Variants in RAB3IP observed in about 807,000 individuals in gnomAD.
RAB3IP encodes RAB3A interacting protein.
In RAB3IP, 36 loss-of-function variants were observed where a neutral mutation model predicts 59.1. That is an observed-to-expected ratio of 0.61 (90% CI 0.47 to 0.80). The LOEUF (loss-of-function observed/expected upper bound fraction) is 0.80. RAB3IP is among the 30% of genes least tolerant of loss of function. The pLI is 0.00. For missense variants in RAB3IP, 511 were observed against 536.0 expected, an observed-to-expected ratio of 0.95 and a Z score of 0.46; for synonymous variants, 207 against 191.2, an observed-to-expected ratio of 1.08 and a Z score of -0.68.
At chr12:69,789,015 C>T (rs1296065987) in intron 4 of RAB3IP, among the ~76,000 whole-genome samples, 4 of 151,772 alleles carry the variant, frequency 2.6e-5, no homozygotes, top group Non-Finnish European at 4.4e-5. Flanking sequence ...GAAAACACAA[C>T]GTACCAAAAC....
At chr12:69,805,573 C>T (rs1814703056) in intron 8 of RAB3IP, among the ~76,000 whole-genome samples, 1 of 151,054 alleles carries the variant, frequency 6.6e-6, no homozygotes, top group Admixed American at 6.6e-5. Flanking sequence ...CTGTCTTGTG[C>T]CAGTTTTCAA....
chr12:69,806,076 C>T (rs1879217340), intron 8 of RAB3IP, among the ~76,000 whole-genome samples: 1 of 152,192 alleles, frequency 6.6e-6, no homozygotes, highest in South Asian at 2.1e-4. Flanking sequence ...GGAATGGTAC[C>T]AGCTCCTCCT....
intron 3 of RAB3IP, among the ~76,000 whole-genome samples, chr12:69,768,796 C>T (rs1872644503): frequency 6.6e-6 from 1 of 152,034 alleles, no homozygotes; most frequent in South Asian, 2.1e-4. Flanking sequence ...CTTGTGGAGG[C>T]CCTGACCTCA....
chr12:69,742,687 A>G, intron 1 of RAB3IP, among the ~76,000 whole-genome samples: 1 of 152,226 alleles, frequency 6.6e-6, no homozygotes, highest in Middle Eastern at 3.2e-3. Flanking sequence ...CTAGCAGTAG[A>G]AATTGAAATG....
At position 69,755,974 on chromosome 12, in the gene RAB3IP, T is replaced by C. The variant is rs372583686; in HGVS notation, c.251+315T>C. On this transcript the variant is annotated intron_variant, in intron 2 of 10. Transcript: ENST00000247833. ...GGTTGTGTTCCAATAAAACTTCATA[T>C]ATGGATGCAGAATTTTGAATTTCAT... Among the ~76,000 whole-genome samples, 19 of 152,342 alleles carry C rather than the reference T, an allele frequency of 1.2e-4. 1 individual carries two copies. The highest frequency in any genetic ancestry group is 4.6e-4 in the African/African-American group (19 of 41,588).
Position 69,800,210 on chromosome 12 carries a change from C to G in RAB3IP, c.890C>G (p.Ala297Gly), listed in dbSNP as rs759787604. Reference sequence around the variant, plus strand: ...TTGTGTTTTCCTTTGGTTTGTTAGGCTGACTTATCCTTGTATAATGAATTC... The same window carrying G: ...TTGTGTTTTCCTTTGGTTTGTTAGGGTGACTTATCCTTGTATAATGAATTC... ...IQPIVKDCKEADLSLYNEFRL... is the reference protein window; with the variant it reads ...IQPIVKDCKEGDLSLYNEFRL... The change falls in exon 7 of 11, where the codon GCT becomes GGT. Residue 297 changes from alanine (A) to glycine (G), a missense_variant and splice_region_variant. Physicochemically the swap from Ala to Gly is moderately conservative, Grantham distance 60. Transcript: ENST00000247833. The G allele has an allele frequency of 5.3e-6, 8 of 1,516,826 alleles. No individual in the cohort carries two copies. The highest frequency in any genetic ancestry group is 7.0e-6 in the Non-Finnish European group (8 of 1,138,210). The allele number at this position is 1,516,826 out of a possible 1,614,324, so 94.0% of individuals were successfully genotyped here.
intron 3 of RAB3IP, among the ~76,000 whole-genome samples, chr12:69,763,228 C>T (rs1267288998): frequency 1.3e-5 from 2 of 152,194 alleles, no homozygotes; most frequent in East Asian, 1.9e-4. Context: ...CATGGAAACT[C>T]TCACAAAATT....
intron 3 of RAB3IP, among the ~76,000 whole-genome samples, chr12:69,767,242 C>T (rs2136162616): frequency 6.6e-6 from 1 of 152,016 alleles, no homozygotes; most frequent in South Asian, 2.1e-4. Context: ...GGTTTTGCTT[C>T]TATAGTTCTG....
intron 4 of RAB3IP, among the ~76,000 whole-genome samples, chr12:69,791,148 A>G (rs1293726866): frequency 6.6e-6 from 1 of 152,170 alleles, no homozygotes; most frequent in Non-Finnish European, 1.5e-5. Flanking sequence ...ATGCAAATGA[A>G]CGAAATTAGA....
At chr12:69,791,452 A>G (rs1010491128) in intron 4 of RAB3IP, among the ~76,000 whole-genome samples, 13 of 152,200 alleles carry the variant, frequency 8.5e-5, no homozygotes, top group Admixed American at 1.3e-4. Context: ...GTTAATATCC[A>G]AAGTATATAA....
Position 69,817,892 on chromosome 12 carries a change from AG to A in RAB3IP, c.*2448del, listed in dbSNP as rs1449716325. 6.6e-6 allele frequency: 1 copy of A among 152,242 alleles called. No homozygotes were observed. The highest frequency in any genetic ancestry group is 6.5e-5 in the Admixed American group (1 of 15,274). 9.4% of individuals were successfully genotyped at this position (152,242 alleles called of 1,614,324 possible). ...CAGAAATTCTACAAACCAACAAAAA[AG>A]GACAGTGTCACAGAAAAACAGGCAA... On this transcript the variant is annotated 3_prime_UTR_variant, in exon 11 of 11. Coordinates refer to ENST00000247833, the MANE Select transcript of RAB3IP (RefSeq NM_022456.5).
In RAB3IP at chr12:69,800,270, C is replaced by G; in HGVS notation, c.950C>G (p.Thr317Arg). ...LWKDEPTMDR[T>R]CPFLDKIYQE... ...AAGGATGAGCCCACAATGGACAGGA[C>G]GTGTCCTTTCTTAGACAAAATCTAC... is the stretch of plus-strand genomic sequence containing the variant. The change falls in exon 7 of 11, where the codon ACG (threonine) becomes AGG (arginine). Residue 317 changes from threonine (T) to arginine (R), a missense_variant. By Grantham distance (71) the Thr-to-Arg change is moderately conservative. Coordinates refer to ENST00000247833, the MANE Select transcript of RAB3IP (RefSeq NM_022456.5). 1 of 1,597,644 alleles carries G rather than the reference C, an allele frequency of 6.3e-7. No individual in the cohort carries two copies. Among genetic ancestry groups the G allele is most frequent in the South Asian group, 1.1e-5 (1 of 88,506 alleles).
At chr12:69,764,021 T>G (rs1285165074) in intron 3 of RAB3IP, among the ~76,000 whole-genome samples, 1 of 152,250 alleles carries the variant, frequency 6.6e-6, no homozygotes, top group East Asian at 1.9e-4. Flanking sequence ...GATGAGCATC[T>G]AGGTTGATTC....
rs962976662 is a variant in RAB3IP, at chr12:69,760,356, A to G, written c.510+3693A>G. ...TACAGTCCAGCTTTGGCTCGGCATC[A>G]GAGGGAGACCGTGGAAAGAGAGGGC... On this transcript the variant is annotated intron_variant, in intron 3 of 10. Transcript: ENST00000247833. Among the ~76,000 whole-genome samples the G allele has an allele frequency of 7.2e-5, 11 of 152,346 alleles. No homozygotes were observed. The South Asian group carries it at 8.3e-4, about 11-fold the overall frequency.
In RAB3IP at chr12:69,756,574, A is replaced by G; in HGVS notation, c.421A>G (p.Ser141Gly). The G allele has an allele frequency of 6.2e-7, 1 of 1,614,140 alleles. No homozygotes were observed. The highest frequency in any genetic ancestry group is 8.5e-7 in the Non-Finnish European group (1 of 1,179,968). The change falls in exon 3 of 11, where the codon AGT becomes GGT. Residue 141 changes from serine (S) to glycine (G), a missense_variant. Physicochemically the swap from Ser to Gly is moderately conservative, Grantham distance 56. Transcript: ENST00000247833. ...TGATATTTTTGGGTTGAGTACTGAT[A>G]GTCTGTCTCGTTTACGAAGCCCATC... ...SDDIFGLSTD[S>G]LSRLRSPSVL...
At chr12:69,759,269 A>G (rs1390799660) in intron 3 of RAB3IP, among the ~76,000 whole-genome samples, 1 of 149,830 alleles carries the variant, frequency 6.7e-6, no homozygotes, top group African/African-American at 2.5e-5. Context: ...CTGAGTGGAC[A>G]CAGCACATGT....
At chr12:69,764,222 A>G (rs1871830378) in intron 3 of RAB3IP, among the ~76,000 whole-genome samples, 1 of 152,028 alleles carries the variant, frequency 6.6e-6, no homozygotes, top group Non-Finnish European at 1.5e-5. Context: ...CTTATGGCTT[A>G]TGGATTCTTA....
intron 8 of RAB3IP, chr12:69,812,421 A>AG (rs1332404605): frequency 9.9e-6 from 2 of 202,750 alleles, no homozygotes; most frequent in Admixed American, 1.1e-4. Flanking sequence ...AGTCATCATG[A>AG]GGATATTTTC....
intron 3 of RAB3IP, among the ~76,000 whole-genome samples, chr12:69,770,524 A>G (rs922463888): frequency 2.0e-5 from 3 of 152,138 alleles, no homozygotes; most frequent in African/African-American, 7.2e-5. Context: ...TGCAGATGGA[A>G]CCTGCTGATG....
Sources: allele counts gnomAD v4.1 joint callset (sites outside exome capture counted in the v4.1 genomes callset), GRCh38; gene constraint gnomAD v4.1.1; transcripts MANE v1.5; gene names NCBI Gene and HGNC (gene_info 2026-07-23, HGNC 2026-07-21).